Variants in KATNA1 observed in about 807,000 individuals in gnomAD.
KATNA1 encodes the protein katanin catalytic subunit A1, also known as katanin p60 ATPase-containing subunit A1.
KATNA1 carries 42 observed loss-of-function variants against 62.6 expected under a neutral mutation model. The observed-to-expected ratio is 0.67, with a 90% CI of 0.52 to 0.87. The LOEUF is 0.87. Ranked by LOEUF, KATNA1 falls within the 40% of genes least tolerant of loss-of-function variation. The probability of loss-of-function intolerance (pLI) is 0.00; values close to 1 mark genes in which losing one functional copy is unlikely to be tolerated. For synonymous variants in KATNA1, 186 were observed against 201.9 expected, an observed-to-expected ratio of 0.92 and a Z score of 0.67; for missense variants, 498 against 612.5, an observed-to-expected ratio of 0.81 and a Z score of 1.97.
intron 1 of KATNA1, among the ~76,000 whole-genome samples, chr6:149,645,717 C>G (rs1297017273): frequency 6.6e-6 from 1 of 152,098 alleles, no homozygotes; most frequent in African/African-American, 2.4e-5. Context: ...TATGAGTTAG[C>G]TAATGACTAA....
At chr6:149,634,105 T>G (rs1030261515) in intron 2 of KATNA1, among the ~76,000 whole-genome samples, 2 of 151,420 alleles carry the variant, frequency 1.3e-5, no homozygotes, top group Admixed American at 6.6e-5. Flanking sequence ...AAACCCCATC[T>G]CTATTAAAAA....
At chr6:149,604,126 A>G (rs1778647875) in intron 5 of KATNA1, among the ~76,000 whole-genome samples, 1 of 152,178 alleles carries the variant, frequency 6.6e-6, no homozygotes, top group African/African-American at 2.4e-5. Flanking sequence ...AAAAGAAAAT[A>G]AAAGCAACAT....
At chr6:149,609,474 G>C (rs1778863605) in intron 4 of KATNA1, among the ~76,000 whole-genome samples, 1 of 151,886 alleles carries the variant, frequency 6.6e-6, no homozygotes, top group African/African-American at 2.4e-5. Context: ...GACTGCTTGA[G>C]CTCAAGACTT....
chr6:149,597,154 G>A lies in KATNA1; in HGVS notation c.1186C>T (p.Arg396Cys), dbSNP rs778583263. 22 of 1,613,848 alleles carry A rather than the reference G, an allele frequency of 1.4e-5. No individual in the cohort carries two copies. Among genetic ancestry groups the A allele is most frequent in the African/African-American group, 6.7e-5 (5 of 74,900 alleles). Residue 396 changes from arginine (R) to cysteine (C), a missense_variant, in exon 10 of 11, where the codon CGT (arginine) becomes TGT (cysteine). Physicochemically the swap from Arg to Cys is radical, Grantham distance 180. Coordinates refer to ENST00000367411, the MANE Select transcript of KATNA1 (RefSeq NM_007044.4). ...GREELLRISL[R>C]ELELADDVDL... ...ACATCATCAGCCAATTCCAACTCAC[G>A]TAGACTTATTCGTAATAGCTCCTCC... is the stretch of plus-strand genomic sequence containing the variant.
At chr6:149,608,389 A>G (rs1445405613) in intron 4 of KATNA1, among the ~76,000 whole-genome samples, 2 of 152,182 alleles carry the variant, frequency 1.3e-5, no homozygotes, top group East Asian at 3.9e-4. Context: ...TGGATACGCC[A>G]ATTTGAACAA....
chr6:149,612,586 A>G (rs1779003642), intron 4 of KATNA1, among the ~76,000 whole-genome samples: 4 of 152,330 alleles, frequency 2.6e-5, no homozygotes, highest in Admixed American at 2.6e-4. Context: ...TTCTCAATTC[A>G]TTTTATAAAA....
At chr6:149,617,140 G>C (rs758352099) in intron 4 of KATNA1, among the ~76,000 whole-genome samples, 1 of 152,216 alleles carries the variant, frequency 6.6e-6, no homozygotes, top group Non-Finnish European at 1.5e-5. Flanking sequence ...GGTTACCAAG[G>C]TCTGGGATGA....
At chr6:149,617,823 C>A (rs993774057) in intron 4 of KATNA1, among the ~76,000 whole-genome samples, 1 of 151,962 alleles carries the variant, frequency 6.6e-6, no homozygotes, top group Non-Finnish European at 1.5e-5. Context: ...GTAGTCTCAG[C>A]TACTTGGGAG....
At chr6:149,600,181 T>C (rs1190837660) in intron 7 of KATNA1, among the ~76,000 whole-genome samples, 1 of 118,614 alleles carries the variant, frequency 8.4e-6, no homozygotes, top group Non-Finnish European at 1.6e-5. Context: ...TGCAATATAG[T>C]GAGAGCTTAT....
At chr6:149,619,243 C>T (rs1273950492) in intron 4 of KATNA1, among the ~76,000 whole-genome samples, 1 of 152,086 alleles carries the variant, frequency 6.6e-6, no homozygotes, top group East Asian at 1.9e-4. Context: ...TCCTCAATGT[C>T]ACTAATCATC....
chr6:149,597,651 G>A lies in KATNA1; in HGVS notation c.1016-10C>T. The A allele has an allele frequency of 5.0e-6, 8 of 1,608,180 alleles. No individual in the cohort carries two copies. The highest frequency in any genetic ancestry group is 2.7e-5 in the African/African-American group (2 of 74,728). On this transcript the variant is annotated splice_polypyrimidine_tract_variant and intron_variant, in intron 8 of 10. Transcript: ENST00000367411. ...GAAGTACCTCCAACACCTAAAATAA[G>A]GGTAAGGGGAGAGTGAAAAAGATAT... is the stretch of plus-strand genomic sequence containing the variant.
chr6:149,627,269 A>C (rs906689776), intron 3 of KATNA1, among the ~76,000 whole-genome samples: 1 of 151,318 alleles, frequency 6.6e-6, no homozygotes, highest in Non-Finnish European at 1.5e-5. Context: ...TGGCTCACAC[A>C]TGTGATCCCA....
At chr6:149,607,205 A>G (rs1425112156) in intron 4 of KATNA1, among the ~76,000 whole-genome samples, 1 of 152,260 alleles carries the variant, frequency 6.6e-6, no homozygotes, top group East Asian at 1.9e-4. Context: ...AGAAAGAAAC[A>G]GTGTTGTAAT....
chr6:149,602,298 C>T (rs1778577100), intron 6 of KATNA1, among the ~76,000 whole-genome samples: 1 of 152,292 alleles, frequency 6.6e-6, no homozygotes, highest in African/African-American at 2.4e-5. Flanking sequence ...ACCCGTTAGG[C>T]GGAGATTGCA....
intron 7 of KATNA1, among the ~76,000 whole-genome samples, chr6:149,600,885 C>T (rs576479696): frequency 6.6e-6 from 1 of 151,692 alleles, no homozygotes; most frequent in Non-Finnish European, 1.5e-5. Context: ...ACGGATGCAG[C>T]GAGTTGTGAT....
Position 149,637,472 on chromosome 6 carries a change from T to C in KATNA1, c.162+914A>G, listed in dbSNP as rs1473532594. 2.6e-5 allele frequency among the ~76,000 whole-genome samples: 4 copies of C among 152,162 alleles called. No homozygotes were observed. The East Asian group carries it at 7.7e-4, about 29-fold the overall frequency. On this transcript the variant is annotated intron_variant, in intron 2 of 10. Coordinates refer to ENST00000367411, the MANE Select transcript of KATNA1 (RefSeq NM_007044.4). ...ATTTACAGTTTCGACAATGGCTTAA[T>C]AAAGTCTACTCTATTTTTACGAAGT...
At chr6:149,626,612 T>C (rs914440168) in intron 3 of KATNA1, among the ~76,000 whole-genome samples, 4 of 151,046 alleles carry the variant, frequency 2.6e-5, no homozygotes, top group Non-Finnish European at 2.9e-5. Context: ...ATGTTACATA[T>C]AACATTGTAT....
chr6:149,628,353 C>A (rs1271962715), intron 3 of KATNA1, among the ~76,000 whole-genome samples: 1 of 150,984 alleles, frequency 6.6e-6, no homozygotes, highest in Non-Finnish European at 1.5e-5. Context: ...TTGGCATCCG[C>A]CCGCCTCGAC....
Position 149,617,713 on chromosome 6 carries a change from T to A in KATNA1, c.501+5390A>T, listed in dbSNP as rs182818445. 3.1e-3 allele frequency among the ~76,000 whole-genome samples: 470 copies of A among 152,178 alleles called. 1 individual carries two copies. The highest frequency in any genetic ancestry group is 4.5e-3 in the Non-Finnish European group (309 of 68,006). ...ACTTTGGGAGGCCGAGGCAGGTGGATCACCTAAGGTCAGGAGTTCGAAACC... is the reference window on the plus strand; with the variant it reads ...ACTTTGGGAGGCCGAGGCAGGTGGAACACCTAAGGTCAGGAGTTCGAAACC... On this transcript the variant is annotated intron_variant, in intron 4 of 10. Transcript: ENST00000367411.
Sources: allele counts gnomAD v4.1 joint callset (sites outside exome capture counted in the v4.1 genomes callset), GRCh38; gene constraint gnomAD v4.1.1; transcripts MANE v1.5; gene names NCBI Gene and HGNC (gene_info 2026-07-23, HGNC 2026-07-21).